Variants in TDRD1 observed in about 807,000 individuals in gnomAD.
TDRD1 encodes the protein tudor domain-containing protein 1.
In TDRD1, 37 loss-of-function variants were observed where a neutral mutation model predicts 140.6. The observed-to-expected ratio is 0.26, with a 90% CI of 0.20 to 0.35. The LOEUF (loss-of-function observed/expected upper bound fraction) is 0.35, where lower values mean the gene tolerates loss of function less well. Ranked by LOEUF, TDRD1 falls within the 10% of genes least tolerant of loss-of-function variation. The pLI is 1.00. For missense variants in TDRD1, 1,243 were observed against 1,393.0 expected, an observed-to-expected ratio of 0.89 and a Z score of 1.71; for synonymous variants, 506 against 475.7, an observed-to-expected ratio of 1.06 and a Z score of -0.83.
intron 11 of TDRD1, among the ~76,000 whole-genome samples, chr10:114,207,990 C>G (rs527522422): frequency 2.0e-5 from 3 of 151,944 alleles, no homozygotes; most frequent in Non-Finnish European, 4.4e-5. Context: ...CTAAGACTTG[C>G]AATAAAGCCA....
chr10:114,194,938 T>TC (rs2034243345), intron 3 of TDRD1, among the ~76,000 whole-genome samples: 1 of 149,270 alleles, frequency 6.7e-6, no homozygotes, highest in East Asian at 1.9e-4. Context: ...TTTTTTTTTT[T>TC]CTGTAGATAT....
upstream of TDRD1, among the ~76,000 whole-genome samples, chr10:114,178,204 A>C (rs2032762834): frequency 6.6e-6 from 1 of 152,108 alleles, no homozygotes; most frequent in Non-Finnish European, 1.5e-5. Context: ...TTTAAAAGAC[A>C]CATCAACTAA....
exon 16 of TDRD1, chr10:114,214,012 G>C: frequency 6.2e-7 from 1 of 1,613,816 alleles, no homozygotes; most frequent in Non-Finnish European, 8.5e-7. Flanking sequence ...AAATCCATTG[G>C]AGTGGACATG....
rs1268459828 is a variant in TDRD1 at position 114,228,127 on chromosome 10, T to A, written c.3538+2T>A. 7 of 1,579,058 alleles carry A rather than the reference T, an allele frequency of 4.4e-6. No homozygotes were observed. The highest frequency in any genetic ancestry group is 6.0e-6 in the Non-Finnish European group (7 of 1,161,970). On this transcript the variant is annotated splice_donor_variant, in intron 25 of 25. Coordinates refer to ENST00000251864, the Ensembl canonical transcript of TDRD1. LOFTEE classifies it high-confidence loss of function. ...TTGAAATGAAAAAACTGTTAAAAAGTTAAGTAAGTTAAATCGTATGTTTTC... is the reference window on the plus strand; with the variant it reads ...TTGAAATGAAAAAACTGTTAAAAAGATAAGTAAGTTAAATCGTATGTTTTC...
intron 9 of TDRD1, 107 bp from the exon 10 acceptor site, chr10:114,204,615 T>G (rs535953601): frequency 6.1e-6 from 7 of 1,156,472 alleles, no homozygotes; most frequent in Non-Finnish European, 7.2e-6. Context: ...TACTTGAAGA[T>G]TTGTGATAAG....
chr10:114,199,313 A>G lies in TDRD1; in HGVS notation c.525A>G (p.Leu175=), dbSNP rs745582677. 28 of 1,601,392 alleles carry G rather than the reference A, an allele frequency of 1.7e-5. No homozygotes were observed. In the Middle Eastern group the frequency reaches 6.6e-4, roughly 38 times the overall value. Reference sequence around the variant, plus strand: ...CCACAACTTGCCATCGCTGTGGCCTATTTGGTAAGCATATTGTTCTTGGGT... The same window carrying G: ...CCACAACTTGCCATCGCTGTGGCCTGTTTGGTAAGCATATTGTTCTTGGGT... Residue 175 remains leucine, a synonymous_variant, in exon 4 of 26, where the codon CTA becomes CTG. Transcript: ENST00000251864.
chr10:114,214,041 C>A (rs772790611), exon 16 of TDRD1: 2 of 1,613,346 alleles, frequency 1.2e-6, no homozygotes, highest in Non-Finnish European at 1.7e-6. Flanking sequence ...TTGGTGTTGA[C>A]CAAACAGTAG....
intron 23 of TDRD1, 59 bp downstream of exon 23, chr10:114,227,358 A>G: frequency 8.1e-7 from 1 of 1,229,708 alleles, no homozygotes; most frequent in Non-Finnish European, 1.2e-6. Context: ...ACAGATAATC[A>G]ATTTAGTTGA....
At chr10:114,185,303 C>T (rs1036386614) in intron 1 of TDRD1, among the ~76,000 whole-genome samples, 3 of 152,176 alleles carry the variant, frequency 2.0e-5, no homozygotes, top group African/African-American at 4.8e-5. Flanking sequence ...TATTCTCCTG[C>T]CTCAGCCTCC....
intron 2 of TDRD1, 86 bp from the exon 3 acceptor site, chr10:114,190,875 A>T (rs563435707): frequency 2.3e-6 from 3 of 1,317,538 alleles, no homozygotes; most frequent in Non-Finnish European, 3.3e-6. Flanking sequence ...CTGTTACTTG[A>T]ATATCACCTA....
chr10:114,231,572 T>C, exon 26 of TDRD1: 1 of 1,415,518 alleles, frequency 7.1e-7, no homozygotes, highest in Admixed American at 2.4e-5. Flanking sequence ...CCTGGTGTTT[T>C]TATTTATGAG....
chr10:114,218,269 A>T, intron 17 of TDRD1, 145 bp from the exon 18 acceptor site: 1 of 527,432 alleles, frequency 1.9e-6, no homozygotes. Flanking sequence ...AGATTTTTGA[A>T]TTTTGAAAAA....
At chr10:114,218,699 T>A in intron 18 of TDRD1, 115 bp downstream of exon 18, 1 of 749,178 alleles carries the variant, frequency 1.3e-6, no homozygotes, top group Non-Finnish European at 2.0e-6. Flanking sequence ...TGCTTCATAT[T>A]ATAAAACTTA....
chr10:114,204,103 G>C, exon 9 of TDRD1: 1 of 1,606,668 alleles, frequency 6.2e-7, no homozygotes, highest in Non-Finnish European at 8.5e-7. Context: ...ACAAAACGTT[G>C]ATGTGCAGCA....
chr10:114,218,740 G>A (rs1201800025), intron 18 of TDRD1, among the ~76,000 whole-genome samples, 156 bp downstream of exon 18: 2 of 152,226 alleles, frequency 1.3e-5, no homozygotes, highest in Middle Eastern at 3.4e-3. Flanking sequence ...GACCAAAAAC[G>A]TCCAGTGTTG....
chr10:114,175,302 A>G (rs909891477), upstream of TDRD1, among the ~76,000 whole-genome samples: 2 of 152,226 alleles, frequency 1.3e-5, no homozygotes, highest in African/African-American at 4.8e-5. Flanking sequence ...AGGTATTACT[A>G]TTTCTGAATA....
intron 21 of TDRD1, among the ~76,000 whole-genome samples, chr10:114,224,390 G>T (rs2036317168): frequency 6.6e-6 from 1 of 152,164 alleles, no homozygotes; most frequent in South Asian, 2.1e-4. Flanking sequence ...ACCTTAGTAT[G>T]GTGTTTCTTT....
At chr10:114,212,320 AT>A (rs1446092848) in intron 14 of TDRD1, among the ~76,000 whole-genome samples, 1 of 152,216 alleles carries the variant, frequency 6.6e-6, no homozygotes, top group Admixed American at 6.5e-5. Context: ...GTTGCAAGAT[AT>A]AGTTATATCC....
intron 1 of TDRD1, among the ~76,000 whole-genome samples, chr10:114,186,225 C>T (rs1173723446): frequency 6.6e-6 from 1 of 151,924 alleles, no homozygotes; most frequent in Non-Finnish European, 1.5e-5. Context: ...AGAGTCTAGA[C>T]TTTATTCCTC....
Sources: gnomAD v4.1 joint callset for allele counts (sites outside exome capture counted in the v4.1 genomes callset) on GRCh38, gnomAD v4.1.1 for gene constraint, MANE v1.5 for transcripts, NCBI Gene and HGNC (gene_info 2026-07-23, HGNC 2026-07-21) for gene names.